The following LRP12 variants were observed in gnomAD, a reference collection of about 807,000 sequenced individuals.
LRP12 encodes the protein LDL receptor related protein 12.
Under a neutral mutation model 66.0 loss-of-function variants are expected in LRP12, and 14 were observed. The observed-to-expected ratio is 0.21, with a 90% CI of 0.14 to 0.33. LRP12 has a LOEUF of 0.33. Among genes scored for constraint, LRP12 ranks in the 10% least tolerant of loss-of-function variants. LRP12 has a pLI of 1.00. For synonymous variants in LRP12, 357 were observed against 359.1 expected (o/e 0.99, Z 0.07); for missense variants, 889 against 1,053.4 (o/e 0.84, Z 2.16).
intron 1 of LRP12, among the ~76,000 whole-genome samples, chr8:104,588,332 A>C (rs1054676888): frequency 6.6e-6 from 1 of 152,148 alleles, no homozygotes; most frequent in Non-Finnish European, 1.5e-5. Flanking sequence ...CTTTTCAGGG[A>C]ATCGAGTAGG....
intron 1 of LRP12, among the ~76,000 whole-genome samples, chr8:104,573,001 C>A (rs1156977328): frequency 6.6e-6 from 1 of 152,140 alleles, no homozygotes; most frequent in Non-Finnish European, 1.5e-5. Context: ...CTTATTCTTA[C>A]GTAGTAGAAA....
intron 1 of LRP12, among the ~76,000 whole-genome samples, chr8:104,582,026 T>C (rs1381944773): frequency 6.6e-6 from 1 of 152,244 alleles, no homozygotes; most frequent in Non-Finnish European, 1.5e-5. Context: ...ATGCCTTAAC[T>C]ATTAATGAAA....
chr8:104,582,006 A>ATG (rs747555282), intron 1 of LRP12, among the ~76,000 whole-genome samples: 4 of 152,202 alleles, frequency 2.6e-5, no homozygotes, highest in Non-Finnish European at 5.9e-5. Context: ...TCTCCAATAT[A>ATG]TGTAAAAAGA....
At chr8:104,528,204 G>A (rs1053854448) in intron 2 of LRP12, among the ~76,000 whole-genome samples, 3 of 152,176 alleles carry the variant, frequency 2.0e-5, no homozygotes, top group Non-Finnish European at 4.4e-5. Context: ...CGACAATCCA[G>A]CAGGGCACTG....
At chr8:104,548,631 T>TATATAATTAAATTAATTATATAATTATG in intron 1 of LRP12, among the ~76,000 whole-genome samples, 1 of 143,848 alleles carries the variant, frequency 7.0e-6, no homozygotes, top group African/African-American at 2.5e-5. Context: ...ATATAATTAT[T>TATATAATTAAATTAATTATATAATTATG]ATATAATTAA....
chr8:104,575,121 C>G (rs1488867683), intron 1 of LRP12, among the ~76,000 whole-genome samples: 1 of 152,098 alleles, frequency 6.6e-6, no homozygotes, highest in Non-Finnish European at 1.5e-5. Flanking sequence ...GGGGAATGAC[C>G]AAGATGAGGC....
chr8:104,497,280 A>G lies in LRP12; in HGVS notation c.1272T>C (p.Gly424=). The G allele has an allele frequency of 3.7e-6, 6 of 1,614,158 alleles. No homozygotes were observed. The highest frequency in any genetic ancestry group is 5.1e-6 in the Non-Finnish European group (6 of 1,180,010). The change falls in exon 5 of 7, where the codon GGT becomes GGC. Residue 424 remains glycine, a synonymous_variant. Transcript: ENST00000276654. The surrounding 1 kb of genome is among the most constrained non-coding windows in gnomAD (Gnocchi z 4.3). The stretch of plus-strand genomic sequence containing the variant: ...AGCGATCAGAACGAGGATAACAGAC[A>G]CCATTTCGGGAACATGGAAATTCTT... ...QKEEFPCSRN[G]VCYPRSDRCN... is the part of the protein sequence containing the mutation.
intron 6 of LRP12, among the ~76,000 whole-genome samples, chr8:104,491,839 C>G (rs919975230): frequency 6.6e-6 from 1 of 152,096 alleles, no homozygotes; most frequent in Non-Finnish European, 1.5e-5. Context: ...TTCAAAATCT[C>G]ACATCGTAAT....
chr8:104,503,219 C>T (rs1588484588), intron 3 of LRP12, among the ~76,000 whole-genome samples: 3 of 149,282 alleles, frequency 2.0e-5, no homozygotes, highest in Non-Finnish European at 3.0e-5. Flanking sequence ...CCCAGCTACT[C>T]GGGAGGCTGA....
intron 1 of LRP12, among the ~76,000 whole-genome samples, chr8:104,541,042 C>T (rs1811468691): frequency 6.6e-6 from 1 of 152,136 alleles, no homozygotes; most frequent in Non-Finnish European, 1.5e-5. Context: ...AAACCATATT[C>T]TTAATGGACC....
At chr8:104,582,197 A>C (rs1812261571) in intron 1 of LRP12, among the ~76,000 whole-genome samples, 1 of 152,204 alleles carries the variant, frequency 6.6e-6, no homozygotes. Context: ...GTAGGTATCA[A>C]GTTAGTCTCA....
intron 1 of LRP12, among the ~76,000 whole-genome samples, chr8:104,548,212 T>A (rs1811641734): frequency 9.8e-6 from 1 of 102,220 alleles, no homozygotes; most frequent in Non-Finnish European, 1.7e-5. Context: ...GATATATTTA[T>A]ATTAATATAT....
At chr8:104,547,669 T>C (rs1380555588) in intron 1 of LRP12, among the ~76,000 whole-genome samples, 113 of 116,748 alleles carry the variant, frequency 9.7e-4, no homozygotes, top group African/African-American at 3.9e-3. Context: ...TATAATTCTA[T>C]ATTATATTTT....
chr8:104,544,818 T>A (rs1811531472), intron 1 of LRP12, among the ~76,000 whole-genome samples: 1 of 152,116 alleles, frequency 6.6e-6, no homozygotes, highest in Non-Finnish European at 1.5e-5. Context: ...TATAAGGAAA[T>A]CCACATATTT....
intron 1 of LRP12, among the ~76,000 whole-genome samples, chr8:104,567,577 T>C (rs1043056842): frequency 2.0e-4 from 30 of 152,158 alleles, no homozygotes; most frequent in Admixed American, 6.5e-5. Flanking sequence ...AAATTTTGTA[T>C]ATGAAAAATC....
Position 104,494,982 on chromosome 8 carries a change from A to C in LRP12, c.1713+95T>G, listed in dbSNP as rs1020165166. 1.5e-5 allele frequency: 18 copies of C among 1,168,888 alleles called. No individual in the cohort carries two copies. In the East Asian group the frequency reaches 4.3e-4, roughly 28 times the overall value. 72.4% of individuals were successfully genotyped at this position (1,168,888 alleles called of 1,614,324 possible). A position where few individuals can be genotyped will look rare whatever the true frequency, so the allele number is the denominator to read the frequency against. On this transcript the variant is annotated intron_variant, in intron 6 of 6. Transcript: ENST00000276654. Reference sequence around the variant, plus strand: ...ATACATTTAAATCCTTGATTGCAAAAATTCTGACAGTCAAGGGTCTTTGCT... The same window carrying C: ...ATACATTTAAATCCTTGATTGCAAACATTCTGACAGTCAAGGGTCTTTGCT...
chr8:104,548,132 TA>T (rs1299541678), intron 1 of LRP12, among the ~76,000 whole-genome samples: 2,115 of 98,028 alleles, frequency 0.022, 73 homozygotes, highest in African/African-American at 0.074. Context: ...ATATAATATA[TA>T]ATTATAATTA....
rs1810704717 is a variant in LRP12, at chr8:104,495,162, CTTCTT to C, written c.1623_1627del (p.Arg543SerfsTer18). On this transcript the variant is annotated frameshift_variant, in exon 6 of 7. Coordinates refer to ENST00000276654, the MANE Select transcript of LRP12 (RefSeq NM_013437.5). LOFTEE classifies it high-confidence loss of function. Reference sequence around the variant, plus strand: ...TTGTCCATACGAGGGAGGAGCTTCTCTTCTTAACAATTCTGCTTCCACTCTTGACA... The same window carrying C: ...TTGTCCATACGAGGGAGGAGCTTCTCAACAATTCTGCTTCCACTCTTGACA... 3.7e-6 allele frequency: 6 copies of C among 1,613,790 alleles called. No individual in the cohort carries two copies. Among genetic ancestry groups the C allele is most frequent in the Non-Finnish European group, 5.1e-6 (6 of 1,179,804 alleles).
chr8:104,534,780 T>C (rs1229134480), intron 1 of LRP12, among the ~76,000 whole-genome samples: 3 of 151,906 alleles, frequency 2.0e-5, no homozygotes, highest in Non-Finnish European at 4.4e-5. Flanking sequence ...TGTACTACCA[T>C]TCTAAAAAAT....
Sources: gnomAD v4.1 joint callset for allele counts (sites outside exome capture counted in the v4.1 genomes callset) on GRCh38, gnomAD v4.1.1 for gene constraint, Gnocchi (gnomAD v3.1) non-coding constraint, MANE v1.5 for transcripts, NCBI Gene and HGNC (gene_info 2026-07-23, HGNC 2026-07-21) for gene names.